Variants in NFIC observed in about 807,000 individuals in gnomAD.
NFIC encodes nuclear factor 1 C-type.
NFIC carries 12 observed loss-of-function variants against 54.4 expected under a neutral mutation model. That is an observed-to-expected ratio of 0.22 (90% CI 0.14 to 0.36). The LOEUF is 0.36. Among genes scored for constraint, NFIC ranks in the 10% least tolerant of loss-of-function variants. The pLI is 1.00. For synonymous variants in NFIC, 322 were observed against 319.2 expected, an observed-to-expected ratio of 1.01 and a Z score of -0.09; for missense variants, 575 against 718.2, an observed-to-expected ratio of 0.80 and a Z score of 2.28.
In NFIC at chr19:3,454,835, C is replaced by T. The variant is rs914294848; in HGVS notation, c.1423+919C>T. Among the ~76,000 whole-genome samples the T allele has an allele frequency of 5.3e-5, 8 of 152,048 alleles. No individual in the cohort carries two copies. In the South Asian group the frequency reaches 1.7e-3, roughly 31 times the overall value. On this transcript the variant is annotated intron_variant, in intron 9 of 10. Transcript: ENST00000443272. ...TGCCCTCAGCTCCTCTTCTCCCTGC[C>T]CCGGCGTTCCTGTCCCCGTCCCCAC...
chr19:3,363,987 G>T (rs2080851579), upstream of NFIC, among the ~76,000 whole-genome samples: 1 of 152,328 alleles, frequency 6.6e-6, no homozygotes, highest in Non-Finnish European at 1.5e-5. Context: ...CAGCTGCATA[G>T]TGTCCCAGCC....
intron 3 of NFIC, among the ~76,000 whole-genome samples, chr19:3,429,293 C>CACACACACACACACACAT (rs1244819392): frequency 2.2e-5 from 3 of 133,730 alleles, no homozygotes; most frequent in Non-Finnish European, 4.6e-5. Flanking sequence ...CACACACACA[C>CACACACACACACACACAT]ACTAGCCAAA....
intron 2 of NFIC, among the ~76,000 whole-genome samples, chr19:3,415,992 A>G (rs1042896930): frequency 6.6e-6 from 1 of 151,918 alleles, no homozygotes; most frequent in African/African-American, 2.4e-5. Flanking sequence ...CCTCATCTCT[A>G]CAAAAAAATG....
chr19:3,416,953 G>A (rs1599648661), intron 2 of NFIC, among the ~76,000 whole-genome samples: 1 of 150,818 alleles, frequency 6.6e-6, no homozygotes, highest in Admixed American at 6.6e-5. Flanking sequence ...GCGCGATCTC[G>A]GCTCACTGCA....
intron 10 of NFIC, among the ~76,000 whole-genome samples, chr19:3,461,532 G>A (rs1266992477): frequency 2.0e-5 from 3 of 151,004 alleles, no homozygotes; most frequent in Admixed American, 6.6e-5. Context: ...AGACCAGCCC[G>A]GCCAACATGG....
chr19:3,466,309 A>G lies in NFIC; in HGVS notation c.*3540A>G, dbSNP rs1215757321. On this transcript the variant is annotated 3_prime_UTR_variant, in exon 11 of 11. Coordinates refer to ENST00000443272, the MANE Select transcript of NFIC (RefSeq NM_001245002.2). The surrounding 1 kb of genome is among the most constrained non-coding windows in gnomAD (Gnocchi z 4.8). ...AAGCTAAGACAATAGCCAGATGGTT[A>G]GTGGGGCAGCCAGGCAGGGAGGACC... 1 of 151,564 alleles carries G rather than the reference A, an allele frequency of 6.6e-6. No individual in the cohort carries two copies. The highest frequency in any genetic ancestry group is 1.5e-5 in the Non-Finnish European group (1 of 67,968). The allele number at this position is 151,564 out of a possible 1,614,324, so 9.4% of individuals were successfully genotyped here. A position where few individuals can be genotyped will look rare whatever the true frequency, so the allele number is the denominator to read the frequency against.
At chr19:3,435,807 G>T (rs1014080224) in intron 6 of NFIC, among the ~76,000 whole-genome samples, 2 of 127,668 alleles carry the variant, frequency 1.6e-5, no homozygotes, top group Non-Finnish European at 3.2e-5. Context: ...CCTCTCTGGG[G>T]TGTCTTTCTT....
Position 3,459,547 on chromosome 19 carries a change from C to T in NFIC, c.1509+2912C>T, listed in dbSNP as rs761195310. On this transcript the variant is annotated intron_variant, in intron 10 of 10. Transcript: ENST00000443272. The surrounding 1 kb of genome is among the most constrained non-coding windows in gnomAD (Gnocchi z 4.2). The stretch of plus-strand genomic sequence containing the variant: ...AGCAGGATACCAGAGCCCAAACCTC[C>T]CCCTTCACACCTACTGCCTCAGTCT... Among the ~76,000 whole-genome samples the T allele has an allele frequency of 6.6e-6, 1 of 152,186 alleles. No individual in the cohort carries two copies. The highest frequency in any genetic ancestry group is 1.9e-4 in the East Asian group (1 of 5,178).
At chr19:3,441,935 A>G (rs963786599) in intron 6 of NFIC, among the ~76,000 whole-genome samples, 15 of 152,118 alleles carry the variant, frequency 9.9e-5, no homozygotes, top group South Asian at 6.2e-4. Context: ...ACAGCCCCCA[A>G]TTAGCCACTC....
In NFIC at chr19:3,449,003, C is replaced by G. The variant is rs780255137; in HGVS notation, c.959-11C>G. ...CCAGCCTGTGACTCTCTCGTCCCAT[C>G]CCCTCCACAGGCATCTCGTCCCCGG... On this transcript the variant is annotated splice_polypyrimidine_tract_variant and intron_variant, in intron 6 of 10. Coordinates refer to ENST00000443272, the MANE Select transcript of NFIC (RefSeq NM_001245002.2). 8 of 1,610,374 alleles carry G rather than the reference C, an allele frequency of 5.0e-6. No individual in the cohort carries two copies.
intron 2 of NFIC, among the ~76,000 whole-genome samples, chr19:3,386,095 C>T (rs1295776805): frequency 6.6e-6 from 1 of 151,930 alleles, no homozygotes; most frequent in Non-Finnish European, 1.5e-5. Context: ...ATATGGAAAA[C>T]CCCAACTCCG....
intron 7 of NFIC, among the ~76,000 whole-genome samples, 194 bp downstream of exon 7, chr19:3,449,333 A>C (rs2082421422): frequency 1.3e-5 from 2 of 152,148 alleles, no homozygotes; most frequent in African/African-American, 2.4e-5. Context: ...GGTTGGACTC[A>C]GTCCCTTTGG....
intron 10 of NFIC, among the ~76,000 whole-genome samples, chr19:3,460,287 C>T (rs1045853148): frequency 4.6e-5 from 7 of 152,104 alleles, no homozygotes; most frequent in Non-Finnish European, 7.4e-5. Context: ...GAGAGGCAGG[C>T]GAGGGGGTTG....
chr19:3,461,679 C>T (rs2082640981), intron 10 of NFIC, among the ~76,000 whole-genome samples: 1 of 151,956 alleles, frequency 6.6e-6, no homozygotes, highest in Non-Finnish European at 1.5e-5. Context: ...GCCAAGATCA[C>T]ACCACTGCAT....
chr19:3,460,577 G>A (rs571398195), intron 10 of NFIC, among the ~76,000 whole-genome samples: 2 of 152,080 alleles, frequency 1.3e-5, no homozygotes, highest in East Asian at 1.9e-4. Flanking sequence ...GCAATGGCAC[G>A]ATCTTGGCTG....
In NFIC at chr19:3,403,729, C is replaced by A. The variant is rs1027890538; in HGVS notation, c.563-21377C>A. 6.6e-5 allele frequency among the ~76,000 whole-genome samples: 10 copies of A among 152,184 alleles called. 1 individual carries two copies. Among genetic ancestry groups the A allele is most frequent in the Admixed American group, 5.2e-4 (8 of 15,270 alleles). ...TGGCTGGGCCGCCAGCCTTGCCTCC[C>A]GTCCTCCGGACTCCCCGCGGGCTGC... On this transcript the variant is annotated intron_variant, in intron 2 of 10. Transcript: ENST00000443272.
At chr19:3,423,278 C>T (rs1247502376) in intron 2 of NFIC, among the ~76,000 whole-genome samples, 1 of 152,150 alleles carries the variant, frequency 6.6e-6, no homozygotes, top group Non-Finnish European at 1.5e-5. Flanking sequence ...CAAATGCCCT[C>T]AAGTGCTTCA....
intron 2 of NFIC, among the ~76,000 whole-genome samples, chr19:3,384,780 T>C (rs902018182): frequency 6.6e-6 from 1 of 151,588 alleles, no homozygotes. Context: ...CTGCTGGGGT[T>C]GGCTGTGAGG....
At chr19:3,373,167 AGCTCAGCAAAC>A in intron 1 of NFIC, among the ~76,000 whole-genome samples, 1 of 152,314 alleles carries the variant, frequency 6.6e-6, no homozygotes, top group Non-Finnish European at 1.5e-5. Context: ...TAGACGTGAT[AGCTCAGCAAAC>A]GCTCAGCCTG....
Sources: gnomAD v4.1 joint callset for allele counts (sites outside exome capture counted in the v4.1 genomes callset) on GRCh38, gnomAD v4.1.1 for gene constraint, Gnocchi (gnomAD v3.1) non-coding constraint, MANE v1.5 for transcripts, NCBI Gene and HGNC (gene_info 2026-07-23, HGNC 2026-07-21) for gene names.